Variants in TTC34 observed in about 807,000 individuals in gnomAD.
TTC34 encodes the protein tetratricopeptide repeat domain 34.
Under a neutral mutation model 40.7 loss-of-function variants are expected in TTC34, and 44 were observed. That is an observed-to-expected ratio of 1.08 (90% CI 0.85 to 1.39). The LOEUF (loss-of-function observed/expected upper bound fraction) is 1.39. Ranked by LOEUF, TTC34 falls within the 40% of genes most tolerant of loss-of-function variation. The pLI is 0.00. For synonymous variants in TTC34, 422 were observed against 398.6 expected, an observed-to-expected ratio of 1.06 and a Z score of -0.70; for missense variants, 884 against 838.0, an observed-to-expected ratio of 1.05 and a Z score of -0.68.
chr1:2,772,578 T>G (rs1277636752), intron 6 of TTC34, among the ~76,000 whole-genome samples: 2 of 4,614 alleles, frequency 4.3e-4, no homozygotes, highest in Admixed American at 2.9e-3. Context: ...CACCCCCAGG[T>G]GAGCATCCGA....
At chr1:2,687,628 C>T (rs1157600297) in intron 6 of TTC34, among the ~76,000 whole-genome samples, 13 of 150,864 alleles carry the variant, frequency 8.6e-5, no homozygotes, top group African/African-American at 3.0e-4. Context: ...CAGCTGATAT[C>T]CTGGAACAGC....
At chr1:2,777,798 G>A (rs1424022280) in intron 6 of TTC34, among the ~76,000 whole-genome samples, 2 of 152,008 alleles carry the variant, frequency 1.3e-5, no homozygotes, top group African/African-American at 4.8e-5. Flanking sequence ...GCCCTCCAAC[G>A]TCCTGGCTGA....
intron 6 of TTC34, among the ~76,000 whole-genome samples, chr1:2,778,953 A>T (rs1643423482): frequency 6.6e-6 from 1 of 151,992 alleles, no homozygotes; most frequent in African/African-American, 2.4e-5. Flanking sequence ...GGCACCCACC[A>T]TTCTGCTTTC....
At chr1:2,687,425 G>T (rs1265570650) in intron 6 of TTC34, among the ~76,000 whole-genome samples, 43 of 63,574 alleles carry the variant, frequency 6.8e-4, no homozygotes, top group African/African-American at 3.4e-3. Flanking sequence ...AGCATCTGAT[G>T]GTCTGGAGCA....
At chr1:2,691,793 A>C (rs1384809818) in intron 6 of TTC34, among the ~76,000 whole-genome samples, 1 of 92,272 alleles carries the variant, frequency 1.1e-5, no homozygotes, top group East Asian at 3.5e-4. Flanking sequence ...CCCCCAGGCG[A>C]GCATCCGACA....
At chr1:2,648,442 C>G (rs1027657968) in intron 6 of TTC34, among the ~76,000 whole-genome samples, 7 of 152,152 alleles carry the variant, frequency 4.6e-5, no homozygotes, top group African/African-American at 1.7e-4. Flanking sequence ...AACTGAATGC[C>G]CAAGATGTTC....
intron 6 of TTC34, among the ~76,000 whole-genome samples, chr1:2,651,946 T>A (rs916857037): frequency 2.6e-4 from 39 of 152,214 alleles, no homozygotes; most frequent in African/African-American, 9.2e-4. Flanking sequence ...TCTGACAGCC[T>A]GAAGCAGCAC....
intron 6 of TTC34, among the ~76,000 whole-genome samples, chr1:2,760,335 A>C (rs1641656256): frequency 2.2e-5 from 1 of 46,018 alleles, no homozygotes; most frequent in Non-Finnish European, 3.5e-5. Flanking sequence ...GCAGGTGAGC[A>C]TCTGACAGCC....
intron 6 of TTC34, among the ~76,000 whole-genome samples, chr1:2,673,409 T>C (rs1243201686): frequency 1.3e-5 from 1 of 79,438 alleles, no homozygotes; most frequent in East Asian, 2.8e-4. Context: ...CAGGTGAGCA[T>C]CTGATGGTTT....
chr1:2,756,047 C>G (rs1207903751), intron 6 of TTC34, among the ~76,000 whole-genome samples: 2 of 75,456 alleles, frequency 2.7e-5, no homozygotes, highest in Non-Finnish European at 4.6e-5. Context: ...ATCTGACAAC[C>G]TGGAACAGCA....
chr1:2,644,217 G>A, intron 8 of TTC34, 47 bp downstream of exon 8: 2 of 1,505,906 alleles, frequency 1.3e-6, no homozygotes, highest in Non-Finnish European at 8.9e-7. Context: ...TCATGCCTGT[G>A]TGCTGGGGAA....
At chr1:2,662,352 C>A (rs1445611407) in intron 6 of TTC34, among the ~76,000 whole-genome samples, 100 of 93,358 alleles carry the variant, frequency 1.1e-3, no homozygotes, top group Admixed American at 3.0e-4. Context: ...TGGAGCAGCA[C>A]CCACACCCCC....
intron 6 of TTC34, among the ~76,000 whole-genome samples, chr1:2,749,056 C>T (rs1445333030): frequency 0.018 from 135 of 7,566 alleles, no homozygotes; most frequent in Middle Eastern, 0.062. Context: ...AGGTGAGAAT[C>T]CGACAGCCTG....
chr1:2,641,397 C>G, exon 9 of TTC34: 1 of 1,525,696 alleles, frequency 6.6e-7, no homozygotes, highest in Non-Finnish European at 8.8e-7. Flanking sequence ...GAGGATGCCT[C>G]CCTCCGGATT....
At chr1:2,800,383 G>A in exon 2 of TTC34, 1 of 398,500 alleles carries the variant, frequency 2.5e-6, no homozygotes, top group Non-Finnish European at 4.4e-6. Context: ...ACCCCGGACA[G>A]GACCCAGGCG....
intron 6 of TTC34, among the ~76,000 whole-genome samples, chr1:2,656,244 C>A (rs1639339608): frequency 6.6e-6 from 1 of 151,844 alleles, no homozygotes; most frequent in African/African-American, 2.4e-5. Context: ...CAGCCTGGAA[C>A]AGCACACACA....
At chr1:2,778,565 C>T (rs1166588484) in intron 6 of TTC34, among the ~76,000 whole-genome samples, 1 of 152,202 alleles carries the variant, frequency 6.6e-6, no homozygotes, top group Non-Finnish European at 1.5e-5. Flanking sequence ...AACCACTGTT[C>T]AGCCACATCT....
At chr1:2,777,695 G>GGGC (rs1553168966) in intron 6 of TTC34, among the ~76,000 whole-genome samples, 4 of 151,764 alleles carry the variant, frequency 2.6e-5, no homozygotes, top group African/African-American at 9.7e-5. Flanking sequence ...GCATGGGGGG[G>GGGC]GGGGCGCAGC....
chr1:2,695,854 C>T (rs1223399334), intron 6 of TTC34, among the ~76,000 whole-genome samples: 2 of 147,444 alleles, frequency 1.4e-5, no homozygotes, highest in African/African-American at 2.5e-5. Flanking sequence ...GAACATCCGA[C>T]AGCCTGGAGC....
Sources: gnomAD v4.1 joint callset for allele counts (sites outside exome capture counted in the v4.1 genomes callset) on GRCh38, gnomAD v4.1.1 for gene constraint, MANE v1.5 for transcripts, NCBI Gene and HGNC (gene_info 2026-07-23, HGNC 2026-07-21) for gene names.